Variants in RBFOX1 observed in about 807,000 individuals in gnomAD.
RBFOX1 encodes the protein RNA binding protein fox-1 homolog 1.
A neutral mutation model predicts 57.7 loss-of-function variants in RBFOX1; 8 were observed. The ratio of observed to expected loss-of-function variants is 0.14; its 90% CI spans 0.08 to 0.25. The LOEUF (loss-of-function observed/expected upper bound fraction) is 0.25. Among genes scored for constraint, RBFOX1 ranks in the 10% least tolerant of loss-of-function variants. RBFOX1 has a pLI of 1.00. For missense variants in RBFOX1, 611 were observed against 548.5 expected (o/e 1.11, Z -1.14); for synonymous variants, 326 against 222.4 (o/e 1.47, Z -4.15).
intron 2 of RBFOX1, among the ~76,000 whole-genome samples, chr16:5,566,568 T>TTATA (rs144434717): frequency 4.7e-5 from 7 of 149,784 alleles, no homozygotes; most frequent in African/African-American, 1.2e-4. Context: ...AGGAAAGTAG[T>TTATA]TATATATATA....
intron 1 of RBFOX1, among the ~76,000 whole-genome samples, chr16:6,119,014 G>GT (rs35604110): frequency 0.053 from 7,537 of 142,152 alleles, 357 homozygotes; most frequent in East Asian, 0.24. Flanking sequence ...AATTCCTCAG[G>GT]TTTTTTTTTT....
At chr16:5,653,483 G>T (rs75071352) in intron 3 of RBFOX1, among the ~76,000 whole-genome samples, 1 of 37,586 alleles carries the variant, frequency 2.7e-5, no homozygotes. Flanking sequence ...GTGCTGAGCC[G>T]TGTGCTGCGT....
At chr16:7,060,561 C>G (rs2053937241) in intron 4 of RBFOX1, among the ~76,000 whole-genome samples, 1 of 152,132 alleles carries the variant, frequency 6.6e-6, no homozygotes, top group Non-Finnish European at 1.5e-5. Flanking sequence ...AACAGAATAG[C>G]TACAATTAGG....
chr16:6,020,974 C>T lies in RBFOX1; in HGVS notation c.-127+982C>T, dbSNP rs951917644. On this transcript the variant is annotated intron_variant, in intron 1 of 15. Coordinates refer to ENST00000550418, the MANE Select transcript of RBFOX1 (RefSeq NM_018723.4). ...GAATGGTCAGGGGGCTGGGAGAGCT[C>T]ATCGCTCCTGTGTGGGCCAGAGCTG... Among the ~76,000 whole-genome samples, 12 of 152,180 alleles carry T rather than the reference C, an allele frequency of 7.9e-5. No homozygotes were observed. The South Asian group carries it at 1.0e-3, about 13-fold the overall frequency.
At chr16:6,285,321 T>C (rs1398405103) in intron 1 of RBFOX1, among the ~76,000 whole-genome samples, 1 of 152,136 alleles carries the variant, frequency 6.6e-6, no homozygotes, top group South Asian at 2.1e-4. Flanking sequence ...AAGGAAAGTT[T>C]AAGACTATAT....
chr16:7,406,346 A>G (rs1253269506), intron 4 of RBFOX1, among the ~76,000 whole-genome samples: 2 of 152,172 alleles, frequency 1.3e-5, no homozygotes, highest in African/African-American at 2.4e-5. Flanking sequence ...ACTGCGTTAT[A>G]GAAGAGTAAA....
At chr16:5,972,548 G>C (rs1567207025) in intron 4 of RBFOX1, among the ~76,000 whole-genome samples, 1 of 152,218 alleles carries the variant, frequency 6.6e-6, no homozygotes, top group Admixed American at 6.5e-5. Flanking sequence ...TAATTCCTTA[G>C]CTAGGAGTAC....
intron 3 of RBFOX1, among the ~76,000 whole-genome samples, chr16:5,718,358 T>A (rs111227344): frequency 8.5e-5 from 13 of 152,272 alleles, no homozygotes; most frequent in African/African-American, 3.1e-4. Context: ...TCATCCAATC[T>A]CCACCTGACC....
chr16:7,305,905 G>T (rs939838336), intron 4 of RBFOX1, among the ~76,000 whole-genome samples: 3 of 152,112 alleles, frequency 2.0e-5, no homozygotes, highest in African/African-American at 4.8e-5. Flanking sequence ...CACAATTTCT[G>T]TGCCTTTGCT....
chr16:5,286,545 A>G (rs563910210), intron 1 of RBFOX1, among the ~76,000 whole-genome samples: 4 of 152,322 alleles, frequency 2.6e-5, no homozygotes, highest in South Asian at 2.1e-4. Flanking sequence ...CATATGTCCT[A>G]TTAATACAAC....
intron 1 of RBFOX1, among the ~76,000 whole-genome samples, chr16:5,250,737 C>T (rs572954816): frequency 6.6e-5 from 10 of 152,316 alleles, no homozygotes; most frequent in South Asian, 2.1e-4. Context: ...GGTATTCTGA[C>T]GTGTGGATGC....
At chr16:6,641,148 A>T (rs1179325280) in intron 2 of RBFOX1, among the ~76,000 whole-genome samples, 1 of 152,142 alleles carries the variant, frequency 6.6e-6, no homozygotes, top group African/African-American at 2.4e-5. Context: ...GTGCCTATCA[A>T]AGTGTAAATA....
At chr16:5,332,666 G>A (rs1355140543) in intron 1 of RBFOX1, among the ~76,000 whole-genome samples, 1 of 151,478 alleles carries the variant, frequency 6.6e-6, no homozygotes, top group African/African-American at 2.4e-5. Flanking sequence ...GTGTGTGAAT[G>A]TATGCATTTT....
intron 14 of RBFOX1, among the ~76,000 whole-genome samples, chr16:7,700,888 G>A (rs962928746): frequency 1.3e-5 from 2 of 152,158 alleles, no homozygotes; most frequent in African/African-American, 4.8e-5. Flanking sequence ...GATGTGATCT[G>A]ATTTGCCATG....
intron 14 of RBFOX1, among the ~76,000 whole-genome samples, chr16:7,705,200 A>C (rs752848605): frequency 6.6e-6 from 1 of 152,074 alleles, no homozygotes; most frequent in Non-Finnish European, 1.5e-5. Flanking sequence ...GCATGTGTGC[A>C]GGAACGATCA....
intron 4 of RBFOX1, among the ~76,000 whole-genome samples, chr16:5,981,960 G>C (rs2060183242): frequency 6.6e-6 from 1 of 152,254 alleles, no homozygotes. Context: ...CCAAAGGTCA[G>C]TGGTGCCAAG....
intron 1 of RBFOX1, among the ~76,000 whole-genome samples, chr16:6,267,303 G>C (rs1177296457): frequency 6.6e-6 from 1 of 152,178 alleles, no homozygotes; most frequent in Non-Finnish European, 1.5e-5. Context: ...GTAGGATCAT[G>C]TTTCTTAGGT....
intron 3 of RBFOX1, among the ~76,000 whole-genome samples, chr16:5,757,820 C>G (rs1397282580): frequency 6.6e-6 from 1 of 152,200 alleles, no homozygotes; most frequent in Non-Finnish European, 1.5e-5. Context: ...TGTCATCTGT[C>G]TGATTTCTGG....
chr16:6,682,608 C>G (rs188383004), intron 3 of RBFOX1, among the ~76,000 whole-genome samples: 31 of 152,058 alleles, frequency 2.0e-4, no homozygotes, highest in African/African-American at 7.0e-4. Flanking sequence ...CAGTTCTGGC[C>G]TCCAACCGCC....
Sources: allele counts gnomAD v4.1 joint callset (sites outside exome capture counted in the v4.1 genomes callset), GRCh38; gene constraint gnomAD v4.1.1; transcripts MANE v1.5; gene names NCBI Gene and HGNC (gene_info 2026-07-23, HGNC 2026-07-21).